SDK1: variants seen among roughly 807,000 people sequenced by gnomAD.
The protein encoded by SDK1 is sidekick cell adhesion molecule 1.
In SDK1, 157 loss-of-function variants were observed where a neutral mutation model predicts 245.5. The ratio of observed to expected loss-of-function variants is 0.64; its 90% CI spans 0.56 to 0.73. SDK1 has a LOEUF of 0.73. Ranked by LOEUF, SDK1 falls within the 30% of genes least tolerant of loss-of-function variation. SDK1 has a pLI of 0.00. For missense variants in SDK1, 3,583 were observed against 3,002.3 expected (o/e 1.19, Z -4.52); for synonymous variants, 1,647 against 1,278.5 (o/e 1.29, Z -6.15).
At chr7:3,382,085 C>T (rs924374482) in intron 1 of SDK1, among the ~76,000 whole-genome samples, 9 of 152,088 alleles carry the variant, frequency 5.9e-5, no homozygotes, top group South Asian at 2.1e-4. Flanking sequence ...ATGCAGTAGG[C>T]GTTACTAGTT....
At chr7:3,436,919 A>G (rs577393386) in intron 1 of SDK1, among the ~76,000 whole-genome samples, 1 of 149,452 alleles carries the variant, frequency 6.7e-6, no homozygotes, top group East Asian at 1.9e-4. Context: ...TTACCTCATT[A>G]TTTATTTATT....
chr7:4,260,774 GTGTGTGTGGGAAGATGTGTTCAT>G (rs1787949538), intron 44 of SDK1, among the ~76,000 whole-genome samples: 2 of 145,858 alleles, frequency 1.4e-5, no homozygotes, highest in African/African-American at 5.1e-5. Flanking sequence ...CGGGGTCTCT[GTGTGTGTGGGAAGATGTGTTCAT>G]CGTCACCTGA....
At chr7:3,714,788 A>C (rs1392273224) in intron 4 of SDK1, among the ~76,000 whole-genome samples, 1 of 152,188 alleles carries the variant, frequency 6.6e-6, no homozygotes, top group East Asian at 1.9e-4. Context: ...AGGACGGTTC[A>C]TTTCCCACTT....
At chr7:3,359,024 C>T (rs1163536641) in intron 1 of SDK1, among the ~76,000 whole-genome samples, 2 of 152,094 alleles carry the variant, frequency 1.3e-5, no homozygotes, top group East Asian at 1.9e-4. Flanking sequence ...ATGCTGGTTT[C>T]CTCAGGGATT....
intron 1 of SDK1, among the ~76,000 whole-genome samples, chr7:3,322,797 GT>G (rs1779849674): frequency 6.6e-6 from 1 of 151,972 alleles, no homozygotes; most frequent in African/African-American, 2.4e-5. Flanking sequence ...CTAATGTGTT[GT>G]CCCCACCTGC....
intron 1 of SDK1, among the ~76,000 whole-genome samples, chr7:3,464,072 G>A (rs1309372250): frequency 1.3e-5 from 2 of 152,112 alleles, no homozygotes; most frequent in African/African-American, 2.4e-5. Context: ...TTTTTACTGT[G>A]ACTTAACCAA....
chr7:3,634,650 A>T (rs529263501), intron 2 of SDK1, among the ~76,000 whole-genome samples: 1 of 152,352 alleles, frequency 6.6e-6, no homozygotes, highest in East Asian at 1.9e-4. Context: ...ATGTGTGTTT[A>T]TAAACAATAG....
At chr7:3,426,942 C>G (rs1779694525) in intron 1 of SDK1, among the ~76,000 whole-genome samples, 1 of 152,154 alleles carries the variant, frequency 6.6e-6, no homozygotes, top group African/African-American at 2.4e-5. Flanking sequence ...CAAAAGTTAG[C>G]TCTTGCTTGC....
chr7:3,424,747 A>G (rs1169055801), intron 1 of SDK1, among the ~76,000 whole-genome samples: 1 of 152,096 alleles, frequency 6.6e-6, no homozygotes, highest in Non-Finnish European at 1.5e-5. Flanking sequence ...AAATAAAAAA[A>G]CTAGCCAGGC....
At chr7:3,800,103 C>T (rs912133691) in intron 4 of SDK1, among the ~76,000 whole-genome samples, 2 of 152,018 alleles carry the variant, frequency 1.3e-5, no homozygotes, top group Non-Finnish European at 2.9e-5. Context: ...TCTCAGTCTC[C>T]AACGTTTCTG....
At chr7:4,253,650 C>G (rs1437861732) in intron 44 of SDK1, among the ~76,000 whole-genome samples, 1 of 152,134 alleles carries the variant, frequency 6.6e-6, no homozygotes, top group Non-Finnish European at 1.5e-5. Context: ...GTAGGTCTAG[C>G]TGATTTATCA....
At chr7:3,962,128 A>T (rs1284828828) in intron 8 of SDK1, among the ~76,000 whole-genome samples, 2 of 152,184 alleles carry the variant, frequency 1.3e-5, no homozygotes, top group Non-Finnish European at 2.9e-5. Flanking sequence ...TCCAATCTTC[A>T]ACCTTCTGAA....
rs539067569 is a variant in SDK1 at position 4,203,627 on chromosome 7, C to T, written c.5099-2252C>T. Reference sequence around the variant, plus strand: ...AAAAACGAACGACAATCAGATGCTCCGTGTCTCCCAAACTGCACACGCTTT... The same window carrying T: ...AAAAACGAACGACAATCAGATGCTCTGTGTCTCCCAAACTGCACACGCTTT... On this transcript the variant is annotated intron_variant, in intron 35 of 44. Coordinates refer to ENST00000404826, the MANE Select transcript of SDK1 (RefSeq NM_152744.4). Among the ~76,000 whole-genome samples the T allele has an allele frequency of 1.1e-4, 17 of 152,186 alleles. No individual in the cohort carries two copies. The South Asian group carries it at 3.3e-3, about 30-fold the overall frequency.
intron 4 of SDK1, among the ~76,000 whole-genome samples, chr7:3,671,065 C>T (rs766808056): frequency 4.2e-4 from 64 of 152,252 alleles, no homozygotes; most frequent in Middle Eastern, 6.8e-3. Context: ...GGGCTCTAGG[C>T]CCTTGGAGGA....
At chr7:3,889,241 CAGAT>C (rs1781402173) in intron 5 of SDK1, among the ~76,000 whole-genome samples, 2 of 152,352 alleles carry the variant, frequency 1.3e-5, no homozygotes, top group Middle Eastern at 6.8e-3. Flanking sequence ...TCTTTATACT[CAGAT>C]AGACTCCTGT....
chr7:4,098,233 G>A (rs1039983289), intron 22 of SDK1, among the ~76,000 whole-genome samples: 5 of 152,284 alleles, frequency 3.3e-5, no homozygotes, highest in Middle Eastern at 3.4e-3. Flanking sequence ...AAATACTGCC[G>A]CATACGTGAC....
chr7:4,209,550 G>C (rs947433052), intron 37 of SDK1, among the ~76,000 whole-genome samples: 12 of 152,184 alleles, frequency 7.9e-5, no homozygotes, highest in Admixed American at 6.5e-4. Context: ...AGTGTGGTGG[G>C]AGATTTCACG....
chr7:3,497,079 G>C (rs1782048181), intron 1 of SDK1, among the ~76,000 whole-genome samples: 1 of 152,150 alleles, frequency 6.6e-6, no homozygotes, highest in South Asian at 2.1e-4. Context: ...AATTGTTCTA[G>C]AGAAGAATGT....
chr7:3,704,174 G>C (rs1460455024), intron 4 of SDK1, among the ~76,000 whole-genome samples: 3 of 152,062 alleles, frequency 2.0e-5, no homozygotes, highest in African/African-American at 7.2e-5. Context: ...ACTTCACTTG[G>C]AATAATGGCC....
Sources: allele counts gnomAD v4.1 joint callset (sites outside exome capture counted in the v4.1 genomes callset), GRCh38; gene constraint gnomAD v4.1.1; transcripts MANE v1.5; gene names NCBI Gene and HGNC (gene_info 2026-07-23, HGNC 2026-07-21).